KIRREL3: variants seen among roughly 807,000 people sequenced by gnomAD.
KIRREL3 encodes the protein kirre like nephrin family adhesion molecule 3.
Under a neutral mutation model 89.7 loss-of-function variants are expected in KIRREL3, and 36 were observed. The ratio of observed to expected loss-of-function variants is 0.40; its 90% CI spans 0.31 to 0.53. The LOEUF is 0.53. Among genes scored for constraint, KIRREL3 ranks in the 20% least tolerant of loss-of-function variants. The probability of loss-of-function intolerance (pLI) is 0.49; values close to 1 mark genes in which losing one functional copy is unlikely to be tolerated. For synonymous variants in KIRREL3, 445 were observed against 441.4 expected, an observed-to-expected ratio of 1.01 and a Z score of -0.10; for missense variants, 864 against 1,056.6, an observed-to-expected ratio of 0.82 and a Z score of 2.53.
chr11:126,599,168 C>T (rs1942532592), intron 1 of KIRREL3, among the ~76,000 whole-genome samples: 1 of 152,186 alleles, frequency 6.6e-6, no homozygotes. Context: ...ACATTGGCCC[C>T]TCTTAGGGCT....
intron 2 of KIRREL3, among the ~76,000 whole-genome samples, chr11:126,548,862 C>T (rs758541881): frequency 2.0e-5 from 3 of 152,244 alleles, no homozygotes; most frequent in East Asian, 1.9e-4. Flanking sequence ...CTGGGAGCAA[C>T]GAGATAGAAT....
rs748832288 is a variant in KIRREL3 at position 126,636,285 on chromosome 11, T to C, written c.56-73373A>G. ...ATTGTTATTTCCTTTTTGAGCTAGT[T>C]GTGTTTGCTTGCTACGGAGGAAATA... On this transcript the variant is annotated intron_variant, in intron 1 of 16. Coordinates refer to ENST00000525144, the MANE Select transcript of KIRREL3 (RefSeq NM_032531.4). The surrounding 1 kb of genome is among the most constrained non-coding windows in gnomAD (Gnocchi z 4.4). Among the ~76,000 whole-genome samples, 19 of 152,170 alleles carry C rather than the reference T, an allele frequency of 1.2e-4. No individual in the cohort carries two copies. The highest frequency in any genetic ancestry group is 2.6e-4 in the Non-Finnish European group (18 of 68,032).
rs1380125934 is a variant in KIRREL3 at position 126,891,114 on chromosome 11, G to A, written c.55+109341C>T. ...TTTTGAAGCTACCTTTATTAATTCA[G>A]TACCTAGCTTCTGCATTTAATGGCA... On this transcript the variant is annotated intron_variant, in intron 1 of 16. Coordinates refer to ENST00000525144, the MANE Select transcript of KIRREL3 (RefSeq NM_032531.4). The surrounding 1 kb of genome is among the most constrained non-coding windows in gnomAD (Gnocchi z 5.1). 1.3e-5 allele frequency among the ~76,000 whole-genome samples: 2 copies of A among 152,130 alleles called. No homozygotes were observed. The highest frequency in any genetic ancestry group is 2.4e-5 in the African/African-American group (1 of 41,410).
At chr11:126,864,173 A>C (rs1944844743) in intron 1 of KIRREL3, among the ~76,000 whole-genome samples, 1 of 152,228 alleles carries the variant, frequency 6.6e-6, no homozygotes, top group African/African-American at 2.4e-5. Flanking sequence ...TTTCATGTGA[A>C]GTGGAGAAGG....
In KIRREL3 at chr11:126,747,737, G is replaced by A. The variant is rs548747707; in HGVS notation, c.56-184825C>T. On this transcript the variant is annotated intron_variant, in intron 1 of 16. Coordinates refer to ENST00000525144, the MANE Select transcript of KIRREL3 (RefSeq NM_032531.4). The surrounding 1 kb of genome is among the most constrained non-coding windows in gnomAD (Gnocchi z 4.7). ...TGTCACAGAGTAAGCACTCAGCGCC[G>A]TGAATGAAGGAATGGGGTGAGGGAA... is the stretch of plus-strand genomic sequence containing the variant. Among the ~76,000 whole-genome samples, 3 of 152,262 alleles carry A rather than the reference G, an allele frequency of 2.0e-5. No homozygotes were observed. The highest frequency in any genetic ancestry group is 1.9e-4 in the East Asian group (1 of 5,178).
intron 1 of KIRREL3, among the ~76,000 whole-genome samples, chr11:126,711,780 C>A (rs923688324): frequency 6.6e-6 from 1 of 152,194 alleles, no homozygotes; most frequent in Non-Finnish European, 1.5e-5. Flanking sequence ...TCCCACTGTG[C>A]GAGGATGCTG....
At chr11:126,438,801 A>C (rs1367983025) in intron 11 of KIRREL3, among the ~76,000 whole-genome samples, 1 of 152,126 alleles carries the variant, frequency 6.6e-6, no homozygotes, top group East Asian at 1.9e-4. Flanking sequence ...CAGCAATAAT[A>C]CTCTAATAAT....
intron 1 of KIRREL3, among the ~76,000 whole-genome samples, chr11:126,863,620 T>TGA (rs1300024241): frequency 3.9e-5 from 2 of 50,774 alleles, no homozygotes; most frequent in African/African-American, 1.3e-4. Context: ...CGTGCGTGTG[T>TGA]GTGTGTTTGA....
intron 1 of KIRREL3, among the ~76,000 whole-genome samples, chr11:126,678,313 T>TGGA (rs140511412): frequency 0.041 from 6,163 of 151,996 alleles, 251 homozygotes; most frequent in African/African-American, 0.098. Context: ...AGATAAGAAG[T>TGGA]GAAGGGGTCA....
Position 126,970,979 on chromosome 11 carries a change from T to TA in KIRREL3, c.55+29475dup, listed in dbSNP as rs1250373016. 2.0e-5 allele frequency among the ~76,000 whole-genome samples: 3 copies of TA among 152,154 alleles called. No homozygotes were observed. Among genetic ancestry groups the TA allele is most frequent in the Non-Finnish European group, 4.4e-5 (3 of 68,028 alleles). On this transcript the variant is annotated intron_variant, in intron 1 of 16. Coordinates refer to ENST00000525144, the MANE Select transcript of KIRREL3 (RefSeq NM_032531.4). This position sits in a 1 kb window ranked among gnomAD's most constrained non-coding sequence, Gnocchi z 4.4. ...TTACAGTAGCTGCGAGGTGCACAGG[T>TA]AGTTTTAGGATTTAACATGTTTAGT...
Position 126,802,164 on chromosome 11 carries a change from G to A in KIRREL3, c.55+198291C>T, listed in dbSNP as rs966985854. Among the ~76,000 whole-genome samples the A allele has an allele frequency of 6.6e-6, 1 of 152,014 alleles. No individual in the cohort carries two copies. Among genetic ancestry groups the A allele is most frequent in the African/African-American group, 2.4e-5 (1 of 41,392 alleles). ...ACAGGTTATGACTGTCGTTTACCAGGTGCCTTAACCATCTGCTTGCAGTTT... is the reference window on the plus strand; with the variant it reads ...ACAGGTTATGACTGTCGTTTACCAGATGCCTTAACCATCTGCTTGCAGTTT... On this transcript the variant is annotated intron_variant, in intron 1 of 16. Transcript: ENST00000525144. The surrounding 1 kb of genome is among the most constrained non-coding windows in gnomAD (Gnocchi z 5.2).
chr11:126,716,760 G>GA (rs985448719), intron 1 of KIRREL3, among the ~76,000 whole-genome samples: 1 of 136,760 alleles, frequency 7.3e-6, no homozygotes, highest in African/African-American at 2.8e-5. Context: ...GGGGGGGGGG[G>GA]AAGTGTGGGG....
chr11:126,930,585 C>A (rs1351218369), intron 1 of KIRREL3, among the ~76,000 whole-genome samples: 1 of 152,130 alleles, frequency 6.6e-6, no homozygotes, highest in African/African-American at 2.4e-5. Flanking sequence ...CCTTCCCTGC[C>A]ATGTCTGTCT....
Position 126,983,473 on chromosome 11 carries a change from G to A in KIRREL3, c.55+16982C>T, listed in dbSNP as rs1236589802. On this transcript the variant is annotated intron_variant, in intron 1 of 16. Coordinates refer to ENST00000525144, the MANE Select transcript of KIRREL3 (RefSeq NM_032531.4). This position sits in a 1 kb window ranked among gnomAD's most constrained non-coding sequence, Gnocchi z 4.9. Reference sequence around the variant, plus strand: ...GCAGATGTAATTAAGTTAAGGTCTTGAGAGAGAGAGATTTTCCTAAATTAC... The same window carrying A: ...GCAGATGTAATTAAGTTAAGGTCTTAAGAGAGAGAGATTTTCCTAAATTAC... Among the ~76,000 whole-genome samples the A allele has an allele frequency of 6.6e-6, 1 of 152,144 alleles. No individual in the cohort carries two copies. Among genetic ancestry groups the A allele is most frequent in the Admixed American group, 6.5e-5 (1 of 15,272 alleles).
chr11:126,440,453 C>T lies in KIRREL3; in HGVS notation c.1349G>A (p.Arg450His), dbSNP rs1228832421. ...CFIRSTPPPD[R>H]IAWSWKENVL... Reference sequence around the variant, plus strand: ...CGCCGTCCCTGGAGCACTCACGATGCGGTCCGGCGGCGGCGTGCTCCGGAT... The same window carrying T: ...CGCCGTCCCTGGAGCACTCACGATGTGGTCCGGCGGCGGCGTGCTCCGGAT... Residue 450 changes from arginine (R) to histidine (H), a missense_variant, in exon 11 of 17, where the codon CGC becomes CAC. Coordinates refer to ENST00000525144, the MANE Select transcript of KIRREL3 (RefSeq NM_032531.4). 13 of 1,572,008 alleles carry T rather than the reference C, an allele frequency of 8.3e-6. No homozygotes were observed. The highest frequency in any genetic ancestry group is 4.7e-5 in the East Asian group (2 of 42,342).
chr11:127,001,040 G>C (rs1258052456), upstream of KIRREL3: 2 of 173,320 alleles, frequency 1.2e-5, no homozygotes, highest in Non-Finnish European at 2.4e-5. Flanking sequence ...GGCATCTTGA[G>C]CTTGGAGTGG....
In KIRREL3 at chr11:126,844,162, GA is replaced by G. The variant is rs1469571226; in HGVS notation, c.55+156292del. ...GTAACCCAGGTGGGACAATAGTGAG[GA>G]AACCCCCAATCCAAAGGCTAACTTT... is the stretch of plus-strand genomic sequence containing the variant. On this transcript the variant is annotated intron_variant, in intron 1 of 16. Transcript: ENST00000525144. The surrounding 1 kb of genome is among the most constrained non-coding windows in gnomAD (Gnocchi z 4.8). Among the ~76,000 whole-genome samples the G allele has an allele frequency of 1.3e-5, 2 of 152,180 alleles. No individual in the cohort carries two copies. Among genetic ancestry groups the G allele is most frequent in the African/African-American group, 2.4e-5 (1 of 41,430 alleles).
rs565561070 is a variant in KIRREL3, at chr11:126,559,263, G to T, written c.133+3572C>A. Among the ~76,000 whole-genome samples, 222 of 152,290 alleles carry T rather than the reference G, an allele frequency of 1.5e-3. 1 individual carries two copies. Among genetic ancestry groups the T allele is most frequent in the African/African-American group, 4.9e-3 (205 of 41,542 alleles). Reference sequence around the variant, plus strand: ...CACATCTGTGTGCTCTATCTGAGGCGCTCCTTTTCAATACCTACCTGACAC... The same window carrying T: ...CACATCTGTGTGCTCTATCTGAGGCTCTCCTTTTCAATACCTACCTGACAC... On this transcript the variant is annotated intron_variant, in intron 2 of 16. Transcript: ENST00000525144.
In KIRREL3 at chr11:126,987,425, T is replaced by C. The variant is rs1289947207; in HGVS notation, c.55+13030A>G. Among the ~76,000 whole-genome samples the C allele has an allele frequency of 2.0e-5, 3 of 152,352 alleles. No homozygotes were observed. The highest frequency in any genetic ancestry group is 3.9e-4 in the East Asian group (2 of 5,180). On this transcript the variant is annotated intron_variant, in intron 1 of 16. Coordinates refer to ENST00000525144, the MANE Select transcript of KIRREL3 (RefSeq NM_032531.4). The surrounding 1 kb of genome is among the most constrained non-coding windows in gnomAD (Gnocchi z 4.6). ...TTGATAATAAGAGTGAAAGGTAGAT[T>C]TCCTGTTATTTTCACAGACAAACAG...
Sources: gnomAD v4.1 joint callset for allele counts (sites outside exome capture counted in the v4.1 genomes callset) on GRCh38, gnomAD v4.1.1 for gene constraint, Gnocchi (gnomAD v3.1) non-coding constraint, MANE v1.5 for transcripts, NCBI Gene and HGNC (gene_info 2026-07-23, HGNC 2026-07-21) for gene names.